Variants in CDKAL1 observed in about 807,000 individuals in gnomAD.
The protein encoded by CDKAL1 is threonylcarbamoyladenosine tRNA methylthiotransferase.
A neutral mutation model predicts 68.2 loss-of-function variants in CDKAL1; 32 were observed. That is an observed-to-expected ratio of 0.47 (90% CI 0.35 to 0.63). The LOEUF (loss-of-function observed/expected upper bound fraction) is 0.63, where lower values mean the gene tolerates loss of function less well. CDKAL1 is among the 30% of genes least tolerant of loss of function. The pLI, the probability that CDKAL1 is intolerant of heterozygous loss-of-function variation, is 0.00. For synonymous variants in CDKAL1, 234 were observed against 244.3 expected (o/e 0.96, Z 0.39); for missense variants, 606 against 696.7 (o/e 0.87, Z 1.47).
chr6:20,846,171 T>C lies in CDKAL1; in HGVS notation c.735T>C (p.Ser245=). 6.3e-7 allele frequency: 1 copy of C among 1,590,354 alleles called. No individual in the cohort carries two copies. Among genetic ancestry groups the C allele is most frequent in the Non-Finnish European group, 8.6e-7 (1 of 1,160,484 alleles). The change falls in exon 9 of 16, where the codon TCT becomes TCC. Residue 245 remains serine (S), a synonymous_variant. Transcript: ENST00000274695. ...AACTAGTAGATAGAGCCAAACAATC[T>C]TTTCAAGGTAAGAGTTTCTAGAATT... The part of the protein sequence containing the change: ...IDELVDRAKQ[S]FQEGVCEIWL...
intron 9 of CDKAL1, among the ~76,000 whole-genome samples, chr6:20,945,766 A>T (rs1764207744): frequency 6.6e-6 from 1 of 152,230 alleles, no homozygotes; most frequent in Non-Finnish European, 1.5e-5. Flanking sequence ...TCTAGGTGAT[A>T]CCAACTAAAA....
At chr6:21,107,476 G>T (rs1404654158) in intron 12 of CDKAL1, among the ~76,000 whole-genome samples, 4 of 151,986 alleles carry the variant, frequency 2.6e-5, no homozygotes. Flanking sequence ...TGCCCAGGCT[G>T]GAGTGCAGTG....
chr6:20,816,167 G>A (rs1777039220), intron 8 of CDKAL1, among the ~76,000 whole-genome samples: 1 of 147,772 alleles, frequency 6.8e-6, no homozygotes, highest in African/African-American at 2.5e-5. Flanking sequence ...ATTGGATTAG[G>A]GTCTCACCCT....
intron 13 of CDKAL1, among the ~76,000 whole-genome samples, chr6:21,153,626 G>C (rs1241344717): frequency 6.6e-6 from 1 of 152,070 alleles, no homozygotes; most frequent in Non-Finnish European, 1.5e-5. Context: ...CTGAGGACAT[G>C]AGTTACAAGG....
chr6:21,191,473 C>T (rs1778234175), intron 13 of CDKAL1, among the ~76,000 whole-genome samples: 1 of 152,210 alleles, frequency 6.6e-6, no homozygotes, highest in African/African-American at 2.4e-5. Context: ...TTGTTTGTCA[C>T]AGACGTTTCT....
rs190292107 is a variant in CDKAL1 at position 20,603,120 on chromosome 6, G to C, written c.287-46173G>C. 2.1e-3 allele frequency among the ~76,000 whole-genome samples: 314 copies of C among 152,172 alleles called. 1 individual carries two copies. Among genetic ancestry groups the C allele is most frequent in the African/African-American group, 6.9e-3 (286 of 41,514 alleles). ...TTTTTCTTTTTCTGTGTATTATTTG[G>C]TTCTGGCAAGTACCAATAAAAGAAT... On this transcript the variant is annotated intron_variant, in intron 4 of 15. Transcript: ENST00000274695.
intron 9 of CDKAL1, among the ~76,000 whole-genome samples, chr6:20,940,408 G>A (rs555485104): frequency 1.4e-4 from 21 of 152,156 alleles, no homozygotes; most frequent in African/African-American, 4.8e-4. Flanking sequence ...TAACAGTGCT[G>A]CCCAGTAGAA....
chr6:21,053,289 C>T (rs1582103545), intron 11 of CDKAL1, among the ~76,000 whole-genome samples: 1 of 152,160 alleles, frequency 6.6e-6, no homozygotes, highest in Non-Finnish European at 1.5e-5. Flanking sequence ...CATGTTGGTG[C>T]ATATATCAGT....
chr6:20,746,565 A>G (rs1292406145), intron 6 of CDKAL1, among the ~76,000 whole-genome samples: 1 of 152,178 alleles, frequency 6.6e-6, no homozygotes, highest in Non-Finnish European at 1.5e-5. Flanking sequence ...ATTACTATGT[A>G]AGGTAGGGAC....
chr6:20,917,695 T>C (rs1762780518), intron 9 of CDKAL1, among the ~76,000 whole-genome samples: 1 of 152,220 alleles, frequency 6.6e-6, no homozygotes, highest in Non-Finnish European at 1.5e-5. Flanking sequence ...TGTATCATTC[T>C]TAAGCCTTTG....
chr6:20,985,094 T>C (rs1197915785), intron 10 of CDKAL1, among the ~76,000 whole-genome samples: 1 of 152,216 alleles, frequency 6.6e-6, no homozygotes, highest in East Asian at 1.9e-4. Flanking sequence ...CAAATACTTT[T>C]TTTTAGGTCG....
chr6:20,632,554 C>T (rs1009457568), intron 4 of CDKAL1, among the ~76,000 whole-genome samples: 1 of 152,172 alleles, frequency 6.6e-6, no homozygotes, highest in Non-Finnish European at 1.5e-5. Flanking sequence ...GAGCTTAACC[C>T]CAGCTTCTGC....
intron 9 of CDKAL1, among the ~76,000 whole-genome samples, chr6:20,935,829 C>T (rs1309485671): frequency 6.6e-6 from 1 of 152,240 alleles, no homozygotes; most frequent in African/African-American, 2.4e-5. Flanking sequence ...TTTGGCCTCC[C>T]GAAGAGCTAG....
chr6:20,726,092 GTC>G (rs1284807422), intron 5 of CDKAL1, among the ~76,000 whole-genome samples: 10 of 151,988 alleles, frequency 6.6e-5, no homozygotes, highest in African/African-American at 9.6e-5. Context: ...GCATCTGAGA[GTC>G]TATCACCTTT....
At chr6:20,629,382 G>T (rs1245651991) in intron 4 of CDKAL1, among the ~76,000 whole-genome samples, 1 of 152,196 alleles carries the variant, frequency 6.6e-6, no homozygotes, top group East Asian at 1.9e-4. Context: ...GGTGGTGTCT[G>T]CCAGGTTTCT....
intron 7 of CDKAL1, among the ~76,000 whole-genome samples, chr6:20,767,334 A>G (rs1029234335): frequency 2.0e-5 from 3 of 152,150 alleles, no homozygotes; most frequent in Non-Finnish European, 2.9e-5. Context: ...ATTGTATTGT[A>G]TTGGTAATTC....
chr6:20,867,574 A>G (rs2150534339), intron 9 of CDKAL1, among the ~76,000 whole-genome samples: 1 of 146,694 alleles, frequency 6.8e-6, no homozygotes, highest in South Asian at 2.2e-4. Context: ...GGTGTGTTGT[A>G]TTATTAGAGA....
At chr6:20,880,136 T>C (rs1463366343) in intron 9 of CDKAL1, among the ~76,000 whole-genome samples, 1 of 152,228 alleles carries the variant, frequency 6.6e-6, no homozygotes, top group Non-Finnish European at 1.5e-5. Flanking sequence ...AATTTCCTCA[T>C]GCATCAATAG....
chr6:20,968,790 G>T (rs796457156), intron 10 of CDKAL1, among the ~76,000 whole-genome samples: 3 of 151,774 alleles, frequency 2.0e-5, no homozygotes, highest in African/African-American at 7.2e-5. Flanking sequence ...TACTCTATTT[G>T]GTGAGACATC....
Sources: allele counts gnomAD v4.1 joint callset (sites outside exome capture counted in the v4.1 genomes callset), GRCh38; gene constraint gnomAD v4.1.1; transcripts MANE v1.5; gene names NCBI Gene and HGNC (gene_info 2026-07-23, HGNC 2026-07-21).